CAMK2D: variants seen among roughly 807,000 people sequenced by gnomAD.
The protein encoded by CAMK2D is calcium/calmodulin-dependent protein kinase type II subunit delta.
Under a neutral mutation model 84.0 loss-of-function variants are expected in CAMK2D, and 37 were observed. That is an observed-to-expected ratio of 0.44 (90% CI 0.34 to 0.58). The LOEUF is 0.58. Among genes scored for constraint, CAMK2D ranks in the 20% least tolerant of loss-of-function variants. The probability of loss-of-function intolerance (pLI) is 0.02; values close to 1 mark genes in which losing one functional copy is unlikely to be tolerated. For synonymous variants in CAMK2D, 202 were observed against 212.5 expected, an observed-to-expected ratio of 0.95 and a Z score of 0.43; for missense variants, 448 against 652.5, an observed-to-expected ratio of 0.69 and a Z score of 3.41.
At chr4:113,755,089 G>A (rs1391633695) in intron 2 of CAMK2D, 6 of 983,894 alleles carry the variant, frequency 6.1e-6, no homozygotes, top group Non-Finnish European at 7.2e-6. Context: ...TTTCTTGACT[G>A]CCTGGAAGCC....
intron 13 of CAMK2D, among the ~76,000 whole-genome samples, chr4:113,506,433 T>C (rs1260850256): frequency 2.0e-5 from 3 of 152,316 alleles, no homozygotes; most frequent in African/African-American, 2.4e-5. Flanking sequence ...TCAATCTATA[T>C]TCTGCAGATA....
At chr4:113,695,357 C>T (rs2099399525) in intron 2 of CAMK2D, among the ~76,000 whole-genome samples, 1 of 152,092 alleles carries the variant, frequency 6.6e-6, no homozygotes, top group Admixed American at 6.6e-5. Context: ...AATTTGACCT[C>T]TCTACTCCTC....
intron 4 of CAMK2D, among the ~76,000 whole-genome samples, chr4:113,594,025 C>T (rs1458444867): frequency 1.3e-5 from 2 of 152,100 alleles, no homozygotes; most frequent in Non-Finnish European, 2.9e-5. Context: ...TCAGGCTGCA[C>T]AGGAAGTATG....
intron 2 of CAMK2D, among the ~76,000 whole-genome samples, chr4:113,693,036 C>A (rs1044640980): frequency 6.6e-6 from 1 of 152,060 alleles, no homozygotes; most frequent in African/African-American, 2.4e-5. Flanking sequence ...TCCCTCTGAC[C>A]TACAGGAGAT....
chr4:113,602,079 A>G (rs944698267), intron 4 of CAMK2D, among the ~76,000 whole-genome samples: 2 of 151,270 alleles, frequency 1.3e-5, no homozygotes, highest in African/African-American at 4.8e-5. Flanking sequence ...AAGGGATTAC[A>G]CTATTTTAGT....
chr4:113,545,494 A>G (rs1434655858), intron 6 of CAMK2D, among the ~76,000 whole-genome samples: 2 of 152,220 alleles, frequency 1.3e-5, no homozygotes, highest in Admixed American at 1.3e-4. Context: ...TCAGCACTTG[A>G]TCTTTTTAAC....
intron 16 of CAMK2D, among the ~76,000 whole-genome samples, chr4:113,494,858 G>T (rs1017739561): frequency 4.6e-5 from 7 of 152,202 alleles, no homozygotes; most frequent in African/African-American, 1.7e-4. Flanking sequence ...CGTTTTTTAA[G>T]CCCGTCGGAA....
chr4:113,536,587 G>C (rs974929818), intron 7 of CAMK2D, among the ~76,000 whole-genome samples: 8 of 152,152 alleles, frequency 5.3e-5, no homozygotes, highest in African/African-American at 1.4e-4. Flanking sequence ...CTTGGGGAGA[G>C]GTTATATTTT....
At chr4:113,508,384 A>T in intron 13 of CAMK2D, 3 of 717,202 alleles carry the variant, frequency 4.2e-6, no homozygotes, top group Non-Finnish European at 7.3e-6. Flanking sequence ...CTATAAGTTG[A>T]ATGGAAGGAA....
intron 4 of CAMK2D, among the ~76,000 whole-genome samples, chr4:113,583,124 T>C (rs1477500194): frequency 6.6e-6 from 1 of 152,234 alleles, no homozygotes; most frequent in East Asian, 1.9e-4. Context: ...AATTTTATCT[T>C]GAGTGTTGCC....
At chr4:113,598,959 G>T (rs1242507288) in intron 4 of CAMK2D, among the ~76,000 whole-genome samples, 1 of 152,026 alleles carries the variant, frequency 6.6e-6, no homozygotes, top group Non-Finnish European at 1.5e-5. Flanking sequence ...CACCCTCAAA[G>T]CTTAACATGA....
intron 8 of CAMK2D, among the ~76,000 whole-genome samples, chr4:113,519,668 C>T (rs2098331931): frequency 6.6e-6 from 1 of 152,008 alleles, no homozygotes; most frequent in African/African-American, 2.4e-5. Context: ...TTTTGTAGTT[C>T]TATTTTCTGA....
intron 16 of CAMK2D, among the ~76,000 whole-genome samples, chr4:113,493,931 G>A (rs186663035): frequency 0.061 from 9,325 of 151,990 alleles, 567 homozygotes; most frequent in East Asian, 0.21. Flanking sequence ...CCAGTTGATC[G>A]CATCGGCTCC....
At chr4:113,581,528 A>AAG (rs554476110) in intron 4 of CAMK2D, among the ~76,000 whole-genome samples, 25 of 138,052 alleles carry the variant, frequency 1.8e-4, no homozygotes, top group South Asian at 4.5e-4. Context: ...AAAAAAAAAA[A>AAG]AAAAAGAAAA....
intron 2 of CAMK2D, among the ~76,000 whole-genome samples, chr4:113,691,631 T>C (rs2099387438): frequency 6.6e-6 from 1 of 152,006 alleles, no homozygotes; most frequent in African/African-American, 2.4e-5. Flanking sequence ...CGAATGCCTG[T>C]AATCTCAGCT....
chr4:113,665,608 T>A (rs1186503404), intron 2 of CAMK2D, among the ~76,000 whole-genome samples: 1 of 152,236 alleles, frequency 6.6e-6, no homozygotes, highest in Non-Finnish European at 1.5e-5. Flanking sequence ...TGGCACCATT[T>A]GAAGATTTTC....
chr4:113,760,942 G>C, intron 1 of CAMK2D, 62 bp downstream of exon 1: 2 of 1,606,496 alleles, frequency 1.2e-6, no homozygotes, highest in African/African-American at 1.3e-5. Context: ...GGTGGGTCGG[G>C]GGCAACGCGA....
At chr4:113,538,607 T>C (rs1234393744) in intron 6 of CAMK2D, among the ~76,000 whole-genome samples, 1 of 152,236 alleles carries the variant, frequency 6.6e-6, no homozygotes, top group African/African-American at 2.4e-5. Flanking sequence ...TTTGTTTATA[T>C]GTTAATAAAC....
At chr4:113,581,627 C>T (rs916285047) in intron 4 of CAMK2D, among the ~76,000 whole-genome samples, 4 of 150,810 alleles carry the variant, frequency 2.7e-5, no homozygotes, top group Middle Eastern at 3.2e-3. Flanking sequence ...CTGAAATTTT[C>T]AGGTGAAAAC....
Sources: gnomAD v4.1 joint callset for allele counts (sites outside exome capture counted in the v4.1 genomes callset) on GRCh38, gnomAD v4.1.1 for gene constraint, MANE v1.5 for transcripts, NCBI Gene and HGNC (gene_info 2026-07-23, HGNC 2026-07-21) for gene names.